MNAT1: variants seen among roughly 807,000 people sequenced by gnomAD.
MNAT1 encodes the protein MNAT1 component of CDK activating kinase.
Under a neutral mutation model 42.0 loss-of-function variants are expected in MNAT1, and 43 were observed. The ratio of observed to expected loss-of-function variants is 1.02; its 90% CI spans 0.80 to 1.32. The LOEUF (loss-of-function observed/expected upper bound fraction) is 1.32. MNAT1 is among the 40% of genes most tolerant of loss of function. MNAT1 has a pLI of 0.00. For missense variants in MNAT1, 306 were observed against 350.4 expected (o/e 0.87, Z 1.01); for synonymous variants, 118 against 120.0 (o/e 0.98, Z 0.11).
chr14:60,766,771 C>T (rs1240285113), intron 1 of MNAT1, among the ~76,000 whole-genome samples: 1 of 152,154 alleles, frequency 6.6e-6, no homozygotes, highest in African/African-American at 2.4e-5. Context: ...ATATCTAATA[C>T]TATTCATTGT....
chr14:60,941,912 G>A (rs1389042539), intron 7 of MNAT1, among the ~76,000 whole-genome samples: 1 of 137,286 alleles, frequency 7.3e-6, no homozygotes, highest in Non-Finnish European at 1.5e-5. Context: ...GCTGAGGCAG[G>A]AGAATGGCAT....
chr14:60,960,446 A>T (rs1160157180), intron 7 of MNAT1, among the ~76,000 whole-genome samples: 1 of 152,166 alleles, frequency 6.6e-6, no homozygotes, highest in Non-Finnish European at 1.5e-5. Context: ...AATACCATCT[A>T]AATTCTGGTA....
chr14:60,854,155 A>G (rs2033897846), intron 6 of MNAT1, among the ~76,000 whole-genome samples: 1 of 152,140 alleles, frequency 6.6e-6, no homozygotes, highest in East Asian at 1.9e-4. Context: ...CCATCATGTC[A>G]TTTATATTCC....
intron 7 of MNAT1, among the ~76,000 whole-genome samples, chr14:60,935,982 C>T (rs1370307954): frequency 6.6e-6 from 1 of 152,092 alleles, no homozygotes; most frequent in Non-Finnish European, 1.5e-5. Context: ...AACAAAAAAC[C>T]CAGCACAGTG....
In MNAT1 at chr14:60,901,981, G is replaced by T. The variant is rs556348168; in HGVS notation, c.809+22146G>T. Among the ~76,000 whole-genome samples, 4 of 152,320 alleles carry T rather than the reference G, an allele frequency of 2.6e-5. No individual in the cohort carries two copies. In the South Asian group the frequency reaches 8.3e-4, roughly 32 times the overall value. ...CTCTAATTTTTAAAGAAGTTCTGCT[G>T]TAAGTAAAATGCTATTAAACAGCAT... On this transcript the variant is annotated intron_variant, in intron 7 of 7. Coordinates refer to ENST00000261245, the MANE Select transcript of MNAT1 (RefSeq NM_002431.4).
At position 60,796,293 on chromosome 14, in the gene MNAT1, A is replaced by G. The variant is rs2032017037; in HGVS notation, c.166A>G (p.Ser56Gly). The G allele has an allele frequency of 2.5e-6, 4 of 1,613,818 alleles. No individual in the cohort carries two copies. Among genetic ancestry groups the G allele is most frequent in the Non-Finnish European group, 3.4e-6 (4 of 1,179,786 alleles). The part of the protein sequence containing the change: ...CPECGTPLRK[S>G]NFRVQLFEDP... ...TGAGTGTGGTACTCCACTCAGAAAG[A>G]GCAACTTCAGGGTACAACTCTTTGA... Residue 56 changes from serine (S) to glycine (G), a missense_variant, in exon 2 of 8, where the codon AGC (serine) becomes GGC (glycine). Coordinates refer to ENST00000261245, the MANE Select transcript of MNAT1 (RefSeq NM_002431.4).
chr14:60,926,262 C>A (rs551174675), intron 7 of MNAT1, among the ~76,000 whole-genome samples: 7 of 152,348 alleles, frequency 4.6e-5, no homozygotes, highest in African/African-American at 1.7e-4. Context: ...TTTCCCCCCA[C>A]ACACCAACCA....
intron 7 of MNAT1, among the ~76,000 whole-genome samples, chr14:60,904,118 G>C (rs1251219482): frequency 6.6e-6 from 1 of 152,104 alleles, no homozygotes; most frequent in African/African-American, 2.4e-5. Context: ...TGATCCACCC[G>C]CCTTGGCCTC....
intron 7 of MNAT1, among the ~76,000 whole-genome samples, chr14:60,941,770 T>C (rs969787321): frequency 9.9e-5 from 15 of 150,996 alleles, no homozygotes; most frequent in Non-Finnish European, 2.1e-4. Flanking sequence ...TTTGGGAGGC[T>C]GAGGCGGGCG....
chr14:60,950,040 A>C (rs1450335132), intron 7 of MNAT1, among the ~76,000 whole-genome samples: 9 of 152,156 alleles, frequency 5.9e-5, no homozygotes, highest in African/African-American at 2.2e-4. Context: ...AGAAAACATC[A>C]GTTATTTTAT....
chr14:60,741,890 C>T (rs1896479498), intron 1 of MNAT1, among the ~76,000 whole-genome samples: 1 of 151,836 alleles, frequency 6.6e-6, no homozygotes. Context: ...TCTGGATTGA[C>T]AATCTCTGCC....
chr14:60,745,898 T>C (rs1441139686), intron 1 of MNAT1, among the ~76,000 whole-genome samples: 2 of 152,244 alleles, frequency 1.3e-5, no homozygotes, highest in African/African-American at 2.4e-5. Flanking sequence ...AGCAGTATAG[T>C]GCTGCAGAAC....
chr14:60,805,672 A>T (rs930086032), intron 3 of MNAT1, among the ~76,000 whole-genome samples: 1 of 152,148 alleles, frequency 6.6e-6, no homozygotes, highest in African/African-American at 2.4e-5. Context: ...TAGCCTTTTC[A>T]GATTGGCTTC....
intron 4 of MNAT1, among the ~76,000 whole-genome samples, chr14:60,810,352 GTTAT>G (rs1424392577): frequency 6.6e-6 from 1 of 151,724 alleles, no homozygotes; most frequent in African/African-American, 2.4e-5. Context: ...TCTAATGTTT[GTTAT>G]TTATTTTAAT....
chr14:60,859,085 T>C (rs991475006), intron 6 of MNAT1, among the ~76,000 whole-genome samples: 1 of 152,214 alleles, frequency 6.6e-6, no homozygotes, highest in Non-Finnish European at 1.5e-5. Context: ...GGTTAAGCTT[T>C]TGTGAGATTA....
intron 7 of MNAT1, among the ~76,000 whole-genome samples, chr14:60,911,249 A>G (rs1045156735): frequency 2.0e-5 from 3 of 151,858 alleles, no homozygotes; most frequent in African/African-American, 4.8e-5. Flanking sequence ...CAGTCTATCA[A>G]TTTTGTTGAT....
chr14:60,829,622 G>C (rs1039459702), intron 6 of MNAT1, among the ~76,000 whole-genome samples: 2 of 152,068 alleles, frequency 1.3e-5, no homozygotes, highest in Admixed American at 1.3e-4. Flanking sequence ...TAATGAGTCT[G>C]GATTTTCAGT....
intron 6 of MNAT1, among the ~76,000 whole-genome samples, chr14:60,843,024 A>T (rs1395005333): frequency 6.6e-6 from 1 of 152,186 alleles, no homozygotes; most frequent in Non-Finnish European, 1.5e-5. Flanking sequence ...GAATGTGTGT[A>T]TATCTGTTTA....
intron 7 of MNAT1, among the ~76,000 whole-genome samples, chr14:60,907,571 G>A (rs995526484): frequency 3.3e-5 from 5 of 151,294 alleles, no homozygotes; most frequent in Non-Finnish European, 4.4e-5. Context: ...ACCTGAGGTC[G>A]GGAGTTCAAG....
Sources: allele counts gnomAD v4.1 joint callset (sites outside exome capture counted in the v4.1 genomes callset), GRCh38; gene constraint gnomAD v4.1.1; transcripts MANE v1.5; gene names NCBI Gene and HGNC (gene_info 2026-07-23, HGNC 2026-07-21).